SPTB: variants seen among roughly 807,000 people sequenced by gnomAD.
SPTB encodes spectrin beta, erythrocytic.
A neutral mutation model predicts 256.2 loss-of-function variants in SPTB; 45 were observed. The observed-to-expected ratio is 0.18, with a 90% CI of 0.14 to 0.23. The LOEUF is 0.23. Ranked by LOEUF, SPTB falls within the 10% of genes least tolerant of loss-of-function variation. The probability of loss-of-function intolerance (pLI) is 1.00; values close to 1 mark genes in which losing one functional copy is unlikely to be tolerated. For synonymous variants in SPTB, 1,231 were observed against 1,243.1 expected, an observed-to-expected ratio of 0.99 and a Z score of 0.21; for missense variants, 2,715 against 3,040.4, an observed-to-expected ratio of 0.89 and a Z score of 2.52.
intron 32 of SPTB, chr14:64,756,158 G>A (rs1181720275): frequency 1.3e-5 from 2 of 152,168 alleles, no homozygotes; most frequent in East Asian, 1.9e-4. Context: ...CTCATCTTTC[G>A]AGCAGCCTGC....
In SPTB at chr14:64,766,937, T is replaced by G. The variant is rs1227436396; in HGVS notation, c.6270-136A>C. The G allele has an allele frequency of 3.4e-6, 4 of 1,166,698 alleles. No homozygotes were observed. The Admixed American group carries it at 5.2e-5, about 15-fold the overall frequency. The allele number at this position is 1,166,698 out of a possible 1,614,324, so 72.3% of individuals were successfully genotyped here. A position where few individuals can be genotyped will look rare whatever the true frequency, so the allele number is the denominator to read the frequency against. On this transcript the variant is annotated intron_variant, in intron 31 of 35. Coordinates refer to ENST00000644917, the MANE Select transcript of SPTB (RefSeq NM_001355436.2). ...CCCTCCAGTCAGCCGGCAGCCTGGATGGTGCTTGGCAAGGAGCCGCCCAGC... is the reference window on the plus strand; with the variant it reads ...CCCTCCAGTCAGCCGGCAGCCTGGAGGGTGCTTGGCAAGGAGCCGCCCAGC...
At chr14:64,877,248 C>T (rs1412235168) in intron 1 of SPTB, among the ~76,000 whole-genome samples, 1 of 152,016 alleles carries the variant, frequency 6.6e-6, no homozygotes, top group African/African-American at 2.4e-5. Context: ...CTAAGAACCT[C>T]TGAGCAAATA....
rs557836024 is a variant in SPTB, at chr14:64,821,515, C to T, written c.148+1432G>A. Among the ~76,000 whole-genome samples, 8 of 152,306 alleles carry T rather than the reference C, an allele frequency of 5.3e-5. No homozygotes were observed. In the East Asian group the frequency reaches 5.8e-4, roughly 11 times the overall value. On this transcript the variant is annotated intron_variant, in intron 2 of 35. Coordinates refer to ENST00000644917, the MANE Select transcript of SPTB (RefSeq NM_001355436.2). Reference sequence around the variant, plus strand: ...GGTACCCCTCTCCCTCCACCTGGATCGCCAGGGTCATTGCAGCTAGATCCA... The same window carrying T: ...GGTACCCCTCTCCCTCCACCTGGATTGCCAGGGTCATTGCAGCTAGATCCA...
At chr14:64,753,985 CCTGTG>C in intron 32 of SPTB, 192 bp from the exon 33 acceptor site, 1 of 721,670 alleles carries the variant, frequency 1.4e-6, no homozygotes, top group South Asian at 1.6e-5. Flanking sequence ...CTCTACTCTG[CCTGTG>C]CTTCTGGCTC....
Position 64,787,054 on chromosome 14 carries a change from T to G in SPTB, c.2911A>C (p.Thr971Pro). 2 of 1,613,940 alleles carry G rather than the reference T, an allele frequency of 1.2e-6. No individual in the cohort carries two copies. Among genetic ancestry groups the G allele is most frequent in the Non-Finnish European group, 8.5e-7 (1 of 1,180,028 alleles). The change falls in exon 16 of 36, where the codon ACG becomes CCG. Residue 971 changes from threonine (T) to proline (P), a missense_variant. Coordinates refer to ENST00000644917, the MANE Select transcript of SPTB (RefSeq NM_001355436.2). ...VDCEETSKWITDKTKVVESTK... is the reference protein window; with the variant it reads ...VDCEETSKWIPDKTKVVESTK... ...GACTCCACTACCTTTGTCTTGTCCG[T>G]GATCCACTTGCTGGTCTCCTCGCAA...
At chr14:64,791,675 G>A in intron 15 of SPTB, 44 bp downstream of exon 15, 2 of 1,579,318 alleles carry the variant, frequency 1.3e-6, no homozygotes, top group Non-Finnish European at 1.7e-6. Context: ...TGTGTCAGAT[G>A]TTGAGAGACA....
chr14:64,834,733 T>C (rs547736187), intron 1 of SPTB, among the ~76,000 whole-genome samples: 44 of 152,296 alleles, frequency 2.9e-4, no homozygotes, highest in Admixed American at 5.2e-4. Context: ...CCCGAATCTC[T>C]ACAAATCTTG....
At position 64,797,739 on chromosome 14, in the gene SPTB, T is replaced by TCAGACACTAGTTTCC; in HGVS notation, c.1157_1171dup (p.Gly386_Ser390dup). ...AAAATGCTGTGGTACCCTGTTGATG[T>TCAGACACTAGTTTCC]CAGACACTAGTTTCCCATCGTGGGG... On this transcript the variant is annotated inframe_insertion, in exon 10 of 36. Coordinates refer to ENST00000644917, the MANE Select transcript of SPTB (RefSeq NM_001355436.2). The TCAGACACTAGTTTCC allele has an allele frequency of 6.2e-7, 1 of 1,611,974 alleles. No homozygotes were observed. Among genetic ancestry groups the TCAGACACTAGTTTCC allele is most frequent in the Non-Finnish European group, 8.5e-7 (1 of 1,178,022 alleles).
chr14:64,785,554 G>C lies in SPTB; in HGVS notation c.3838C>G (p.Leu1280Val). ...AGCCTCACCTCCTGGCAGTTCTGGA[G>C]GAAGTTCTGTAGCTCCAGGTTGTCT... ...LRDNLELQNF[L>V]QNCQELTLWI... Residue 1280 changes from leucine (L) to valine (V), a missense_variant, in exon 18 of 36, where the codon CTC becomes GTC. Leu to Val is a conservative substitution (Grantham distance 32). Coordinates refer to ENST00000644917, the MANE Select transcript of SPTB (RefSeq NM_001355436.2). This position sits in a 1 kb window ranked among gnomAD's most constrained non-coding sequence, Gnocchi z 4.4. 6.2e-7 allele frequency: 1 copy of C among 1,613,612 alleles called. No homozygotes were observed. Among genetic ancestry groups the C allele is most frequent in the Non-Finnish European group, 8.5e-7 (1 of 1,179,884 alleles).
Position 64,793,533 on chromosome 14 carries a change from C to T in SPTB, c.2130G>A (p.Gly710=), listed in dbSNP as rs767443825. ...TTATGCGGGCCTCGATCTGCGGGTGCCCAAACTGCTTGCGCGCAACCATGC... is the reference window on the plus strand; with the variant it reads ...TTATGCGGGCCTCGATCTGCGGGTGTCCAAACTGCTTGCGCGCAACCATGC... ...AHGMVARKQF[G]HPQIEARIKE... Residue 710 remains glycine (G), a synonymous_variant, in exon 14 of 36, where the codon GGG becomes GGA. Coordinates refer to ENST00000644917, the MANE Select transcript of SPTB (RefSeq NM_001355436.2). The surrounding 1 kb of genome is among the most constrained non-coding windows in gnomAD (Gnocchi z 7.0). 3 of 1,614,044 alleles carry T rather than the reference C, an allele frequency of 1.9e-6. No individual in the cohort carries two copies. The highest frequency in any genetic ancestry group is 2.7e-5 in the African/African-American group (2 of 74,930).
At position 64,866,571 on chromosome 14, in the gene SPTB, A is replaced by C. The variant is rs144447035; in HGVS notation, c.-52+13221T>G. Among the ~76,000 whole-genome samples the C allele has an allele frequency of 1.6e-4, 24 of 152,294 alleles. No homozygotes were observed. Among genetic ancestry groups the C allele is most frequent in the Non-Finnish European group, 2.8e-4 (19 of 68,024 alleles). The stretch of plus-strand genomic sequence containing the variant: ...CCAGCTCCTATCAGTCACTGGGTGC[A>C]GGACGAGGCAGGAGAAGAGAGCGGC... On this transcript the variant is annotated intron_variant, in intron 1 of 35. Coordinates refer to ENST00000644917, the MANE Select transcript of SPTB (RefSeq NM_001355436.2). The surrounding 1 kb of genome is among the most constrained non-coding windows in gnomAD (Gnocchi z 4.6).
intron 2 of SPTB, among the ~76,000 whole-genome samples, chr14:64,821,653 G>A (rs527263860): frequency 2.2e-4 from 34 of 152,292 alleles, no homozygotes; most frequent in African/African-American, 7.0e-4. Context: ...GTTATGGTCC[G>A]TCCCCAAGGG....
chr14:64,783,248 A>G (rs1338061246), intron 19 of SPTB, among the ~76,000 whole-genome samples: 2 of 152,014 alleles, frequency 1.3e-5, no homozygotes, highest in African/African-American at 4.8e-5. Context: ...CTGTTGCCCA[A>G]GCTGGAATGT....
chr14:64,804,238 A>AT (rs2082941414), intron 3 of SPTB, among the ~76,000 whole-genome samples: 2 of 152,192 alleles, frequency 1.3e-5, no homozygotes, highest in Non-Finnish European at 2.9e-5. Flanking sequence ...TGGGTTCCCC[A>AT]TGGGTAACTC....
chr14:64,799,016 T>A (rs2082830269), intron 9 of SPTB, among the ~76,000 whole-genome samples: 1 of 152,220 alleles, frequency 6.6e-6, no homozygotes. Context: ...TACATGTGGT[T>A]GTATGTGCAT....
Position 64,795,714 on chromosome 14 carries a change from G to A in SPTB, c.1342-75C>T. On this transcript the variant is annotated intron_variant, in intron 11 of 35. Transcript: ENST00000644917. This position sits in a 1 kb window ranked among gnomAD's most constrained non-coding sequence, Gnocchi z 6.5. ...CATCCCCAAACTCAGGGACAGGGCA[G>A]CTCCCTTCAGAACCAGTGCTAGATG... 1.4e-6 allele frequency: 2 copies of A among 1,471,766 alleles called. No homozygotes were observed. The highest frequency in any genetic ancestry group is 9.4e-7 in the Non-Finnish European group (1 of 1,058,728). 91.2% of individuals were successfully genotyped at this position (1,471,766 alleles called of 1,614,324 possible). A position where few individuals can be genotyped will look rare whatever the true frequency, so the allele number is the denominator to read the frequency against.
intron 32 of SPTB, chr14:64,763,934 C>G: frequency 1.9e-6 from 1 of 514,418 alleles, no homozygotes; most frequent in South Asian, 1.4e-5. Flanking sequence ...GGGTGGGGTG[C>G]CACCCTGTGG....
chr14:64,851,522 C>T (rs182299938), intron 1 of SPTB, among the ~76,000 whole-genome samples: 43 of 152,104 alleles, frequency 2.8e-4, no homozygotes, highest in African/African-American at 9.9e-4. Context: ...AGCAGCAGTA[C>T]GAGTTTGTCC....
rs762182667 is a variant in SPTB at position 64,785,731 on chromosome 14, C to T, written c.3764+18G>A. The T allele has an allele frequency of 5.0e-6, 8 of 1,614,052 alleles. No homozygotes were observed. The highest frequency in any genetic ancestry group is 4.2e-6 in the Non-Finnish European group (5 of 1,180,012). On this transcript the variant is annotated intron_variant, in intron 17 of 35. Transcript: ENST00000644917. This position sits in a 1 kb window ranked among gnomAD's most constrained non-coding sequence, Gnocchi z 4.4. Reference sequence around the variant, plus strand: ...CGTGTGGCTCTGGGGGCCTCGTGGCCCTGGGGCCCGGGAGTACCTGTCCTC... The same window carrying T: ...CGTGTGGCTCTGGGGGCCTCGTGGCTCTGGGGCCCGGGAGTACCTGTCCTC...
Sources: gnomAD v4.1 joint callset for allele counts (sites outside exome capture counted in the v4.1 genomes callset) on GRCh38, gnomAD v4.1.1 for gene constraint, Gnocchi (gnomAD v3.1) non-coding constraint, MANE v1.5 for transcripts, NCBI Gene and HGNC (gene_info 2026-07-23, HGNC 2026-07-21) for gene names.